Variants in JAZF1 observed in about 807,000 individuals in gnomAD.
The protein encoded by JAZF1 is JAZF zinc finger 1, also known as juxtaposed with another zinc finger protein 1.
In JAZF1, 8 loss-of-function variants were observed where a neutral mutation model predicts 26.4. That is an observed-to-expected ratio of 0.30 (90% CI 0.18 to 0.55). JAZF1 has a LOEUF of 0.55. Ranked by LOEUF, JAZF1 falls within the 20% of genes least tolerant of loss-of-function variation. The pLI is 0.94. For missense variants in JAZF1, 199 were observed against 322.0 expected (o/e 0.62, Z 2.92); for synonymous variants, 126 against 122.3 (o/e 1.03, Z -0.20).
chr7:27,916,503 C>T (rs1372268748), intron 2 of JAZF1, among the ~76,000 whole-genome samples: 3 of 152,068 alleles, frequency 2.0e-5, no homozygotes, highest in Non-Finnish European at 4.4e-5. Context: ...TTAAACATAC[C>T]TTCTGTAAAT....
chr7:28,126,648 C>T (rs986656451), intron 1 of JAZF1, among the ~76,000 whole-genome samples: 1 of 152,190 alleles, frequency 6.6e-6, no homozygotes, highest in Non-Finnish European at 1.5e-5. Context: ...TTGAGATAAG[C>T]TCCTAAACCA....
chr7:27,833,837 C>T (rs978396587), intron 4 of JAZF1, among the ~76,000 whole-genome samples: 3 of 152,130 alleles, frequency 2.0e-5, no homozygotes, highest in Non-Finnish European at 4.4e-5. Context: ...TTTTAACCAC[C>T]AGTAATCCTC....
At chr7:27,845,232 C>T (rs372779393) in intron 3 of JAZF1, among the ~76,000 whole-genome samples, 40 of 152,338 alleles carry the variant, frequency 2.6e-4, no homozygotes, top group African/African-American at 8.9e-4. Context: ...AAAGAATCTA[C>T]CCCTTTGGGG....
chr7:28,021,503 A>T (rs1213526738), intron 1 of JAZF1, among the ~76,000 whole-genome samples: 2 of 152,322 alleles, frequency 1.3e-5, no homozygotes, highest in African/African-American at 4.8e-5. Flanking sequence ...CTAAGGACAC[A>T]CACCAGTTGC....
intron 1 of JAZF1, among the ~76,000 whole-genome samples, chr7:28,120,005 T>A (rs1784813089): frequency 6.6e-6 from 1 of 152,134 alleles, no homozygotes; most frequent in Non-Finnish European, 1.5e-5. Context: ...ACAGATGTAG[T>A]CTTTTCTGTT....
At chr7:27,973,739 A>G (rs1361863183) in intron 2 of JAZF1, among the ~76,000 whole-genome samples, 1 of 152,252 alleles carries the variant, frequency 6.6e-6, no homozygotes, top group Non-Finnish European at 1.5e-5. Context: ...AGAAGTGGAG[A>G]GAAGAAGGAG....
At chr7:27,858,107 A>G (rs1399191751) in intron 3 of JAZF1, among the ~76,000 whole-genome samples, 1 of 152,224 alleles carries the variant, frequency 6.6e-6, no homozygotes, top group Non-Finnish European at 1.5e-5. Flanking sequence ...CCAATAATAG[A>G]CAAACAGCCA....
intron 1 of JAZF1, among the ~76,000 whole-genome samples, chr7:28,060,259 T>C (rs571234667): frequency 6.6e-6 from 1 of 152,330 alleles, no homozygotes; most frequent in South Asian, 2.1e-4. Context: ...TTTGTAAACA[T>C]AGTAAACTTA....
At chr7:27,885,101 C>T (rs1385432441) in intron 3 of JAZF1, among the ~76,000 whole-genome samples, 1 of 152,156 alleles carries the variant, frequency 6.6e-6, no homozygotes, top group Non-Finnish European at 1.5e-5. Context: ...TTACATGGCC[C>T]CCTGACCTTG....
chr7:28,043,562 G>A (rs1336329231), intron 1 of JAZF1, among the ~76,000 whole-genome samples: 1 of 152,104 alleles, frequency 6.6e-6, no homozygotes, highest in Admixed American at 6.5e-5. Flanking sequence ...TTATTACACA[G>A]CCATTGTAGA....
chr7:27,901,752 C>T (rs545822544), intron 2 of JAZF1, among the ~76,000 whole-genome samples: 1 of 152,264 alleles, frequency 6.6e-6, no homozygotes, highest in Non-Finnish European at 1.5e-5. Context: ...TGGTGGCCTC[C>T]GGGAGTCACT....
chr7:27,996,218 T>G (rs914479953), intron 1 of JAZF1, among the ~76,000 whole-genome samples: 16 of 152,234 alleles, frequency 1.1e-4, no homozygotes, highest in African/African-American at 3.6e-4. Context: ...TAACCTGGAT[T>G]ACTTATAATG....
chr7:27,878,282 A>C (rs1783715588), intron 3 of JAZF1, among the ~76,000 whole-genome samples: 2 of 152,214 alleles, frequency 1.3e-5, no homozygotes, highest in South Asian at 4.1e-4. Flanking sequence ...ACACTTATGA[A>C]GAGATGAGCC....
chr7:28,154,699 ATAAT>A (rs113571298), intron 1 of JAZF1, among the ~76,000 whole-genome samples: 9,545 of 152,082 alleles, frequency 0.063, 923 homozygotes, highest in African/African-American at 0.21. Context: ...TTAATACTAA[ATAAT>A]TATTTATGAT....
chr7:27,941,302 T>A (rs997844099), intron 2 of JAZF1, among the ~76,000 whole-genome samples: 4 of 152,222 alleles, frequency 2.6e-5, no homozygotes, highest in African/African-American at 9.6e-5. Context: ...TGAGCTCAAT[T>A]TGGGGATGTG....
In JAZF1 at chr7:28,144,591, G is replaced by C. The variant is rs1782999279; in HGVS notation, c.115+35872C>G. On this transcript the variant is annotated intron_variant, in intron 1 of 4. Transcript: ENST00000283928. ...CAGGGGTCTGTACAGGCTCTTTACA[G>C]AGCAGCTGGAGAGGAAAGAGAAAAG... 2.0e-5 allele frequency among the ~76,000 whole-genome samples: 3 copies of C among 152,196 alleles called. No individual in the cohort carries two copies. In the South Asian group the frequency reaches 6.2e-4, roughly 31 times the overall value.
intron 3 of JAZF1, among the ~76,000 whole-genome samples, chr7:27,883,180 T>C (rs533388595): frequency 6.6e-6 from 1 of 152,318 alleles, no homozygotes; most frequent in African/African-American, 2.4e-5. Context: ...TCTTAATGTG[T>C]GCTCTTTAAA....
chr7:28,033,855 T>C (rs1783235186), intron 1 of JAZF1, among the ~76,000 whole-genome samples: 1 of 152,160 alleles, frequency 6.6e-6, no homozygotes, highest in Non-Finnish European at 1.5e-5. Flanking sequence ...CAATTCTCCC[T>C]GCCTCAGCCT....
intron 3 of JAZF1, among the ~76,000 whole-genome samples, chr7:27,849,995 A>G (rs2128333881): frequency 6.6e-6 from 1 of 152,296 alleles, no homozygotes; most frequent in African/African-American, 2.4e-5. Context: ...CATTCTTCAT[A>G]GTCATAAACA....
Sources: allele counts gnomAD v4.1 joint callset (sites outside exome capture counted in the v4.1 genomes callset), GRCh38; gene constraint gnomAD v4.1.1; transcripts MANE v1.5; gene names NCBI Gene and HGNC (gene_info 2026-07-23, HGNC 2026-07-21).